SGCD: variants seen among roughly 807,000 people sequenced by gnomAD.
SGCD encodes the protein sarcoglycan delta, also known as delta-sarcoglycan.
Under a neutral mutation model 36.6 loss-of-function variants are expected in SGCD, and 18 were observed. The observed-to-expected ratio is 0.49, with a 90% CI of 0.34 to 0.73. The LOEUF (loss-of-function observed/expected upper bound fraction) is 0.73, where lower values mean the gene tolerates loss of function less well. Ranked by LOEUF, SGCD falls within the 30% of genes least tolerant of loss-of-function variation. The pLI is 0.01. For synonymous variants in SGCD, 133 were observed against 130.6 expected (o/e 1.02, Z -0.12); for missense variants, 387 against 346.7 (o/e 1.12, Z -0.92).
chr5:156,643,992 C>G (rs1763137917), intron 6 of SGCD, among the ~76,000 whole-genome samples: 1 of 152,074 alleles, frequency 6.6e-6, no homozygotes, highest in African/African-American at 2.4e-5. Context: ...TACAAAAGCA[C>G]TAATCATAAT....
intron 1 of SGCD, among the ~76,000 whole-genome samples, chr5:155,972,988 G>A (rs1758037743): frequency 6.6e-6 from 1 of 151,566 alleles, no homozygotes; most frequent in Non-Finnish European, 1.5e-5. Flanking sequence ...CCCTTATTTT[G>A]TCCTTTGTTA....
chr5:156,625,294 A>T (rs1049295108), intron 6 of SGCD, among the ~76,000 whole-genome samples: 2 of 152,198 alleles, frequency 1.3e-5, no homozygotes, highest in Non-Finnish European at 2.9e-5. Context: ...TTTTAACAGC[A>T]TTAAACAAAA....
intron 6 of SGCD, among the ~76,000 whole-genome samples, chr5:156,608,215 A>G (rs1169890549): frequency 6.6e-6 from 1 of 152,130 alleles, no homozygotes; most frequent in African/African-American, 2.4e-5. Flanking sequence ...ACTGCTTTGA[A>G]TGCATCCCAG....
chr5:155,788,756 A>T, the SGCD span, among the ~76,000 whole-genome samples: 1 of 152,158 alleles, frequency 6.6e-6, no homozygotes, highest in African/African-American at 2.4e-5. Flanking sequence ...AGGGCCTTAT[A>T]CTTTATTTGC....
At chr5:156,522,208 A>C (rs1442888693) in intron 4 of SGCD, among the ~76,000 whole-genome samples, 2 of 151,928 alleles carry the variant, frequency 1.3e-5, no homozygotes, top group Non-Finnish European at 2.9e-5. Flanking sequence ...TGGGGGGCTG[A>C]GGGAGGGATA....
chr5:156,160,607 G>T (rs188272217), intron 3 of SGCD, among the ~76,000 whole-genome samples: 1 of 151,668 alleles, frequency 6.6e-6, no homozygotes, highest in Admixed American at 6.6e-5. Flanking sequence ...TTTATTTTAA[G>T]ATTTTGAGGA....
intron 1 of SGCD, among the ~76,000 whole-genome samples, chr5:155,986,148 C>T (rs1156723268): frequency 1.3e-5 from 2 of 152,110 alleles, no homozygotes; most frequent in Admixed American, 1.3e-4. Flanking sequence ...TATCCTATGA[C>T]CAAATATTTG....
At chr5:156,134,776 A>G (rs1172094667) in intron 3 of SGCD, among the ~76,000 whole-genome samples, 1 of 152,112 alleles carries the variant, frequency 6.6e-6, no homozygotes, top group Non-Finnish European at 1.5e-5. Context: ...GCACACCAAC[A>G]TGGCACGTGT....
intron 7 of SGCD, among the ~76,000 whole-genome samples, chr5:156,672,650 ACTT>A (rs1422639719): frequency 6.6e-6 from 1 of 152,150 alleles, no homozygotes; most frequent in Non-Finnish European, 1.5e-5. Flanking sequence ...TTCTGTTCTT[ACTT>A]CTTCTCTCTC....
chr5:155,980,188 T>A (rs1758197110), intron 1 of SGCD, among the ~76,000 whole-genome samples: 1 of 152,136 alleles, frequency 6.6e-6, no homozygotes, highest in South Asian at 2.1e-4. Flanking sequence ...TTTTTGTTGT[T>A]TATAAAGCAC....
intron 1 of SGCD, among the ~76,000 whole-genome samples, chr5:155,878,721 C>T (rs1755816411): frequency 6.6e-6 from 1 of 152,080 alleles, no homozygotes; most frequent in African/African-American, 2.4e-5. Context: ...GTCTGTCACA[C>T]GGTTGCCCAG....
the SGCD span, among the ~76,000 whole-genome samples, chr5:155,745,358 G>A: frequency 6.6e-6 from 1 of 152,082 alleles, no homozygotes; most frequent in African/African-American, 2.4e-5. Context: ...CAAAATATTG[G>A]ATAATAAAAG....
At chr5:156,630,947 A>G (rs1762609626) in intron 6 of SGCD, among the ~76,000 whole-genome samples, 2 of 152,230 alleles carry the variant, frequency 1.3e-5, no homozygotes, top group East Asian at 3.8e-4. Context: ...TTTCTTTATA[A>G]GAAAACAAAA....
At chr5:156,170,155 A>G (rs1272523814) in intron 3 of SGCD, among the ~76,000 whole-genome samples, 3 of 152,192 alleles carry the variant, frequency 2.0e-5, no homozygotes, top group Non-Finnish European at 4.4e-5. Flanking sequence ...TTCCTGCAAG[A>G]CACCATTAAT....
chr5:156,084,040 C>T (rs1761034034), intron 1 of SGCD, among the ~76,000 whole-genome samples: 1 of 152,114 alleles, frequency 6.6e-6, no homozygotes, highest in African/African-American at 2.4e-5. Flanking sequence ...AATAATTCCT[C>T]CTCCATTTTT....
At chr5:156,563,079 A>G (rs1174120270) in intron 4 of SGCD, among the ~76,000 whole-genome samples, 1 of 152,060 alleles carries the variant, frequency 6.6e-6, no homozygotes, top group South Asian at 2.1e-4. Context: ...TCCCAGGTTC[A>G]AGCGATTCTC....
At chr5:156,160,880 C>T (rs1763072060) in intron 3 of SGCD, among the ~76,000 whole-genome samples, 1 of 151,698 alleles carries the variant, frequency 6.6e-6, no homozygotes, top group Admixed American at 6.6e-5. Flanking sequence ...AATTTTTCCT[C>T]TAAAGAGCTA....
chr5:156,060,781 T>A (rs1760183784), intron 1 of SGCD, among the ~76,000 whole-genome samples: 1 of 146,150 alleles, frequency 6.8e-6, no homozygotes, highest in African/African-American at 2.5e-5. Context: ...AATAATATAC[T>A]TTTTAATATT....
chr5:156,188,243 T>A (rs533791840), intron 3 of SGCD, among the ~76,000 whole-genome samples: 2 of 152,240 alleles, frequency 1.3e-5, no homozygotes, highest in African/African-American at 4.8e-5. Flanking sequence ...TTGGCATACA[T>A]CATTAAAAAC....
Sources: allele counts gnomAD v4.1 joint callset (sites outside exome capture counted in the v4.1 genomes callset), GRCh38; gene constraint gnomAD v4.1.1; transcripts MANE v1.5; gene names NCBI Gene and HGNC (gene_info 2026-07-23, HGNC 2026-07-21).